FBLN2: variants seen among roughly 807,000 people sequenced by gnomAD.
FBLN2 encodes the protein fibulin 2.
Under a neutral mutation model 123.7 loss-of-function variants are expected in FBLN2, and 81 were observed. That is an observed-to-expected ratio of 0.65 (90% confidence interval 0.55 to 0.79). The LOEUF (loss-of-function observed/expected upper bound fraction) is 0.79. FBLN2 is among the 30% of genes least tolerant of loss of function. FBLN2 has a pLI of 0.00. For synonymous variants in FBLN2, 699 were observed against 701.4 expected (o/e 1.00, Z 0.05); for missense variants, 1,603 against 1,681.3 (o/e 0.95, Z 0.81).
intron 2 of FBLN2, among the ~76,000 whole-genome samples, chr3:13,575,685 C>T (rs1252974047): frequency 6.6e-6 from 1 of 152,064 alleles, no homozygotes; most frequent in Non-Finnish European, 1.5e-5. Context: ...CATCAAGAGG[C>T]AGGACTGGGG....
At chr3:13,633,953 A>AC (rs1234098640) in intron 16 of FBLN2, among the ~76,000 whole-genome samples, 32 of 142,044 alleles carry the variant, frequency 2.3e-4, no homozygotes, top group Admixed American at 1.8e-3. Context: ...AACACACTGC[A>AC]AACACACACA....
intron 1 of FBLN2, among the ~76,000 whole-genome samples, chr3:13,557,091 C>G (rs1012824678): frequency 6.6e-6 from 1 of 152,256 alleles, no homozygotes; most frequent in African/African-American, 2.4e-5. Flanking sequence ...ATTTCCACTT[C>G]AAGAGCTCAG....
intron 2 of FBLN2, among the ~76,000 whole-genome samples, chr3:13,577,563 G>A (rs963679880): frequency 1.3e-5 from 2 of 152,212 alleles, no homozygotes; most frequent in Non-Finnish European, 2.9e-5. Context: ...GCCAACTTAT[G>A]TGTTAACAGG....
chr3:13,554,598 A>AGTCCTTGGGGCAGAGACACTCACT (rs56322952), intron 1 of FBLN2, among the ~76,000 whole-genome samples: 1 of 152,014 alleles, frequency 6.6e-6, no homozygotes, highest in Non-Finnish European at 1.5e-5. Flanking sequence ...CAACTTCCCT[A>AGTCCTTGGGGCAGAGACACTCACT]GTCCTCGTGG....
chr3:13,572,509 C>G (rs1703995726), intron 2 of FBLN2, among the ~76,000 whole-genome samples: 1 of 152,270 alleles, frequency 6.6e-6, no homozygotes, highest in Non-Finnish European at 1.5e-5. Flanking sequence ...ATCCTCCAAG[C>G]CACCTGCCAC....
rs1240593602 is a variant in FBLN2, at chr3:13,628,932, A to G, written c.2597A>G (p.Glu866Gly). The G allele has an allele frequency of 6.2e-7, 1 of 1,613,504 alleles. No homozygotes were observed. The highest frequency in any genetic ancestry group is 1.7e-5 in the Admixed American group (1 of 59,962). The change falls in exon 12 of 18, where the codon GAG becomes GGG. Residue 866 changes from glutamate to glycine, a missense_variant. Physicochemically the swap from Glu to Gly is moderately conservative, Grantham distance 98. Coordinates refer to ENST00000404922, the MANE Select transcript of FBLN2 (RefSeq NM_001004019.2). ...VDINECTSLS[E>G]PCRPGFSCIN... ...ATCAACGAGTGCACGTCACTGTCCG[A>G]GCCATGTCGGCCAGGCTTCAGCTGC...
chr3:13,637,497 G>A (rs1006318720), intron 17 of FBLN2, 65 bp from the exon 18 acceptor site: 4 of 1,409,066 alleles, frequency 2.8e-6, no homozygotes, highest in South Asian at 1.4e-5. Context: ...TGTGCCATCT[G>A]TGTCCCCGTC....
chr3:13,564,388 T>G (rs1187498070), intron 1 of FBLN2, among the ~76,000 whole-genome samples: 1 of 152,132 alleles, frequency 6.6e-6, no homozygotes, highest in Non-Finnish European at 1.5e-5. Context: ...TTAAAAGAGA[T>G]CCCCTGCAAA....
At chr3:13,563,283 C>T (rs1469982000) in intron 1 of FBLN2, among the ~76,000 whole-genome samples, 1 of 152,228 alleles carries the variant, frequency 6.6e-6, no homozygotes, top group Admixed American at 6.5e-5. Context: ...GGTCTCTCAC[C>T]TGGAGGTGCA....
At chr3:13,621,951 G>A (rs1272783332) in intron 9 of FBLN2, 36 bp downstream of exon 9, 4 of 1,599,642 alleles carry the variant, frequency 2.5e-6, no homozygotes, top group Non-Finnish European at 2.6e-6. Context: ...CGCCGTCACA[G>A]CTCTCCGCTC....
intron 1 of FBLN2, 67 bp downstream of exon 1, chr3:13,549,275 C>T (rs1202435716): frequency 2.1e-6 from 2 of 944,904 alleles, no homozygotes; most frequent in African/African-American, 1.8e-5. Context: ...GCTCAGGACT[C>T]GGGGGCGCTC....
intron 1 of FBLN2, among the ~76,000 whole-genome samples, chr3:13,568,523 A>G (rs960127716): frequency 3.9e-5 from 6 of 152,196 alleles, no homozygotes; most frequent in Non-Finnish European, 1.5e-5. Flanking sequence ...AGGCCCTCAC[A>G]GCAGGCTGGA....
rs1235421994 is a variant in FBLN2 at position 13,619,793 on chromosome 3, C to T, written c.2117C>T (p.Pro706Leu). The T allele has an allele frequency of 6.2e-7, 1 of 1,612,838 alleles. No individual in the cohort carries two copies. The highest frequency in any genetic ancestry group is 2.2e-5 in the East Asian group (1 of 44,784). Residue 706 changes from proline to leucine, a missense_variant, in exon 8 of 18, where the codon CCC becomes CTC. Coordinates refer to ENST00000404922, the MANE Select transcript of FBLN2 (RefSeq NM_001004019.2). ...GGCTCAGCCATATGCTCCTGTTTTCCCGGCTATGCCATCATGGCGGATGGC... is the reference window on the plus strand; with the variant it reads ...GGCTCAGCCATATGCTCCTGTTTTCTCGGCTATGCCATCATGGCGGATGGC... ...VGGSAICSCF[P>L]GYAIMADGVS... is the part of the protein sequence containing the mutation.
chr3:13,610,064 C>A (rs925467217), intron 4 of FBLN2, among the ~76,000 whole-genome samples: 1 of 152,180 alleles, frequency 6.6e-6, no homozygotes, highest in Non-Finnish European at 1.5e-5. Flanking sequence ...GGAGGGACTG[C>A]AGTATCAGCT....
At chr3:13,567,383 G>A (rs1703780610) in intron 1 of FBLN2, among the ~76,000 whole-genome samples, 2 of 152,144 alleles carry the variant, frequency 1.3e-5, no homozygotes, top group Admixed American at 1.3e-4. Flanking sequence ...TTTGAGACGG[G>A]GTCTCCCTCT....
intron 1 of FBLN2, among the ~76,000 whole-genome samples, chr3:13,566,934 G>A (rs1703764945): frequency 6.6e-6 from 1 of 152,282 alleles, no homozygotes; most frequent in Admixed American, 6.5e-5. Context: ...TTCACTGGGT[G>A]GATGCAGAAC....
chr3:13,612,406 A>T (rs1705435044), intron 4 of FBLN2, among the ~76,000 whole-genome samples: 1 of 139,978 alleles, frequency 7.1e-6, no homozygotes, highest in Admixed American at 7.7e-5. Flanking sequence ...TTCTTGACGG[A>T]GTCTCGCTCT....
chr3:13,636,921 G>A lies in FBLN2; in HGVS notation c.3338+353G>A, dbSNP rs1575006315. ...TGAGGGCTAGGAGCCTGGGAGTGGT[G>A]TAGCTAGGTGGTCTGGCTCAGGATC... On this transcript the variant is annotated intron_variant, in intron 17 of 17. Transcript: ENST00000404922. Among the ~76,000 whole-genome samples, 4 of 152,338 alleles carry A rather than the reference G, an allele frequency of 2.6e-5. No homozygotes were observed. In the South Asian group the frequency reaches 6.2e-4, roughly 24 times the overall value.
rs545999008 is a variant in FBLN2, at chr3:13,626,465, G to T, written c.2317G>T (p.Asp773Tyr). 1.3e-6 allele frequency: 2 copies of T among 1,584,456 alleles called. No homozygotes were observed. The highest frequency in any genetic ancestry group is 1.2e-5 in the South Asian group (1 of 86,544). ...TGCAGACATCAACGAGTGTGTGACG[G>T]ACCTGCACACGTGCAGCCGGGGCGA... ...KCVDINECVT[D>Y]LHTCSRGEHC... Residue 773 changes from aspartate (D) to tyrosine (Y), a missense_variant, in exon 10 of 18, where the codon GAC becomes TAC. Physicochemically the swap from Asp to Tyr is radical, Grantham distance 160. Coordinates refer to ENST00000404922, the MANE Select transcript of FBLN2 (RefSeq NM_001004019.2).
Sources: gnomAD v4.1 joint callset for allele counts (sites outside exome capture counted in the v4.1 genomes callset) on GRCh38, gnomAD v4.1.1 for gene constraint, MANE v1.5 for transcripts, NCBI Gene and HGNC (gene_info 2026-07-23, HGNC 2026-07-21) for gene names.